Variants in ALDH1A2 observed in about 807,000 individuals in gnomAD.
ALDH1A2 encodes aldehyde dehydrogenase 1 family member A2.
Under a neutral mutation model 60.3 loss-of-function variants are expected in ALDH1A2, and 27 were observed. That is an observed-to-expected ratio of 0.45 (90% CI 0.33 to 0.62). The LOEUF is 0.62. ALDH1A2 is among the 20% of genes least tolerant of loss of function. ALDH1A2 has a pLI of 0.02. For missense variants in ALDH1A2, 581 were observed against 643.8 expected (o/e 0.90, Z 1.06); for synonymous variants, 289 against 232.4 (o/e 1.24, Z -2.21).
intron 1 of ALDH1A2, among the ~76,000 whole-genome samples, chr15:58,055,973 G>A (rs914234266): frequency 3.3e-5 from 5 of 152,070 alleles, no homozygotes; most frequent in Non-Finnish European, 5.9e-5. Flanking sequence ...GCAGCACAGA[G>A]TGAATAATTC....
chr15:57,997,071 A>T (rs1174864593), intron 4 of ALDH1A2, among the ~76,000 whole-genome samples: 1 of 152,056 alleles, frequency 6.6e-6, no homozygotes, highest in East Asian at 1.9e-4. Flanking sequence ...TAAATGGAAG[A>T]AATTCAGAAG....
intron 3 of ALDH1A2, among the ~76,000 whole-genome samples, chr15:58,012,522 C>G (rs1895662427): frequency 1.3e-5 from 2 of 152,160 alleles, no homozygotes. Flanking sequence ...TAGGCTTTTC[C>G]TGAGCCTTTA....
At chr15:58,025,834 C>T (rs1896064654) in intron 1 of ALDH1A2, among the ~76,000 whole-genome samples, 1 of 152,096 alleles carries the variant, frequency 6.6e-6, no homozygotes, top group Non-Finnish European at 1.5e-5. Flanking sequence ...ACAGAGAGAG[C>T]AAGAGAGAAA....
At chr15:58,025,043 G>A (rs759021213) in intron 1 of ALDH1A2, among the ~76,000 whole-genome samples, 54 of 151,932 alleles carry the variant, frequency 3.6e-4, no homozygotes, top group Non-Finnish European at 3.1e-4. Context: ...GTGCTAAGAG[G>A]AAATTTTATA....
chr15:57,978,153 C>G (rs1894336733), intron 7 of ALDH1A2, among the ~76,000 whole-genome samples: 1 of 152,196 alleles, frequency 6.6e-6, no homozygotes, highest in African/African-American at 2.4e-5. Flanking sequence ...GACAATTTGA[C>G]TTCCTCTCTT....
At chr15:58,006,626 C>A (rs2140509160) in intron 4 of ALDH1A2, among the ~76,000 whole-genome samples, 1 of 151,918 alleles carries the variant, frequency 6.6e-6, no homozygotes, top group African/African-American at 2.4e-5. Context: ...AGTTTACATT[C>A]CCAACCAGCA....
At chr15:58,036,554 T>A (rs973370859) in intron 1 of ALDH1A2, 3 of 151,588 alleles carry the variant, frequency 2.0e-5, no homozygotes, top group African/African-American at 7.3e-5. Flanking sequence ...TGATATAACA[T>A]GAACAGCACC....
Position 57,965,728 on chromosome 15 carries a change from C to A in ALDH1A2, c.898G>T (p.Asp300Tyr). ...ATGGGACCTGTAGTTGACTTACAGTCAGCATCAGCAAAAATAATATTAGGA... is the reference window on the plus strand; with the variant it reads ...ATGGGACCTGTAGTTGACTTACAGTAAGCATCAGCAAAAATAATATTAGGA... Reference protein sequence around the residue: ...KSPNIIFADADLDYAVEQAHQ... With the variant: ...KSPNIIFADAYLDYAVEQAHQ... Residue 300 changes from aspartate (D) to tyrosine (Y), a missense_variant, in exon 8 of 13, where the codon GAC becomes TAC. Asp to Tyr is a radical substitution (Grantham distance 160, BLOSUM62 -3). This residue lies in a region of ALDH1A2 where 375 missense variants were observed against 469.7 expected (regional missense o/e 0.80). Transcript: ENST00000249750. 6.2e-7 allele frequency: 1 copy of A among 1,612,472 alleles called. No individual in the cohort carries two copies. The highest frequency in any genetic ancestry group is 8.5e-7 in the Non-Finnish European group (1 of 1,178,478).
At chr15:57,963,573 G>A (rs1200716758) in intron 9 of ALDH1A2, among the ~76,000 whole-genome samples, 1 of 151,912 alleles carries the variant, frequency 6.6e-6, no homozygotes, top group Non-Finnish European at 1.5e-5. Flanking sequence ...TCGATCTCCT[G>A]ACCTCATGAT....
At chr15:58,052,027 T>C (rs1256345365) in intron 1 of ALDH1A2, among the ~76,000 whole-genome samples, 7 of 152,156 alleles carry the variant, frequency 4.6e-5, no homozygotes, top group Non-Finnish European at 8.8e-5. Flanking sequence ...AGGAAGTCTC[T>C]TGGGAGTCAC....
chr15:58,018,413 G>C (rs895410963), intron 1 of ALDH1A2, among the ~76,000 whole-genome samples: 15 of 152,096 alleles, frequency 9.9e-5, no homozygotes, highest in African/African-American at 3.6e-4. Context: ...GATGTGAAGA[G>C]ATGATGGGAT....
chr15:58,026,807 G>A (rs1274753821), intron 1 of ALDH1A2, among the ~76,000 whole-genome samples: 1 of 152,192 alleles, frequency 6.6e-6, no homozygotes, highest in Non-Finnish European at 1.5e-5. Context: ...GCTGCAGCCT[G>A]GTCGGAGGAG....
chr15:57,992,882 A>G, intron 6 of ALDH1A2, 63 bp downstream of exon 6: 1 of 1,613,868 alleles, frequency 6.2e-7, no homozygotes, highest in Non-Finnish European at 8.5e-7. Context: ...TAAATGAGAT[A>G]TGCTCTAGTA....
chr15:58,001,034 T>TAAA (rs10641902), intron 4 of ALDH1A2, among the ~76,000 whole-genome samples: 81,933 of 125,910 alleles, frequency 0.65, 28,437 homozygotes, highest in South Asian at 0.77. Context: ...TCAAAATTGT[T>TAAA]AAAAAAAAAA....
At chr15:58,041,504 C>A (rs1291747562) in intron 1 of ALDH1A2, among the ~76,000 whole-genome samples, 2 of 151,914 alleles carry the variant, frequency 1.3e-5, no homozygotes, top group Admixed American at 1.3e-4. Flanking sequence ...TCCTGGAAGC[C>A]GGGAATTTCT....
Position 58,036,374 on chromosome 15 carries a change from G to A in ALDH1A2, c.118-22093C>T, listed in dbSNP as rs74018826. On this transcript the variant is annotated intron_variant, in intron 1 of 12. Transcript: ENST00000249750. ...AGATGCATAATGACAGAAAGACACT[G>A]GGCAGCAACTTTTGGCAGCAACTAT... Among the ~76,000 whole-genome samples the A allele has an allele frequency of 7.4e-3, 1,128 of 151,468 alleles. 17 individuals carry two copies. Among genetic ancestry groups the A allele is most frequent in the African/African-American group, 0.026 (1,061 of 41,390 alleles).
intron 7 of ALDH1A2, among the ~76,000 whole-genome samples, chr15:57,969,667 G>A (rs1893999320): frequency 6.6e-6 from 1 of 152,144 alleles, no homozygotes; most frequent in African/African-American, 2.4e-5. Flanking sequence ...GATGAAATTG[G>A]TAATTTGTAA....
At chr15:58,015,499 T>C (rs772859057) in intron 1 of ALDH1A2, among the ~76,000 whole-genome samples, 9 of 152,230 alleles carry the variant, frequency 5.9e-5, no homozygotes, top group Non-Finnish European at 4.4e-5. Context: ...AAAATGACCT[T>C]GTAATTGTAC....
intron 1 of ALDH1A2, chr15:58,065,302 A>G: frequency 1.8e-6 from 1 of 560,632 alleles, no homozygotes; most frequent in Non-Finnish European, 3.2e-6. Context: ...GCTGCCCCTC[A>G]ACGCTGCGCT....
Sources: allele counts gnomAD v4.1 joint callset (sites outside exome capture counted in the v4.1 genomes callset), GRCh38; gene constraint gnomAD v4.1.1; regional missense constraint gnomAD v4.1.1; transcripts MANE v1.5; gene names NCBI Gene and HGNC (gene_info 2026-07-23, HGNC 2026-07-21).